The following GRIN3A variants were observed in gnomAD, a reference collection of about 807,000 sequenced individuals.
The protein encoded by GRIN3A is glutamate receptor ionotropic, NMDA 3A.
GRIN3A carries 47 observed loss-of-function variants against 92.4 expected under a neutral mutation model. The observed-to-expected ratio is 0.51, with a 90% confidence interval of 0.40 to 0.65. The LOEUF (loss-of-function observed/expected upper bound fraction) is 0.65, where lower values mean the gene tolerates loss of function less well. Among genes scored for constraint, GRIN3A ranks in the 30% least tolerant of loss-of-function variants. The pLI is 0.00. For synonymous variants in GRIN3A, 527 were observed against 540.6 expected, an observed-to-expected ratio of 0.97 and a Z score of 0.35; for missense variants, 1,324 against 1,393.1, an observed-to-expected ratio of 0.95 and a Z score of 0.79.
intron 6 of GRIN3A, among the ~76,000 whole-genome samples, chr9:101,588,288 T>C (rs1827974054): frequency 6.6e-6 from 1 of 152,164 alleles, no homozygotes; most frequent in Non-Finnish European, 1.5e-5. Flanking sequence ...GAAGAGGAGA[T>C]AATTTATTAA....
In GRIN3A at chr9:101,571,548, A is replaced by G. The variant is rs2118770625; in HGVS notation, c.*1626T>C. ...GAGAAGATAAATCAAGTAATTGATAAATAAGGAAGTCTTGTCCTAAATGGT... is the reference window on the plus strand; with the variant it reads ...GAGAAGATAAATCAAGTAATTGATAGATAAGGAAGTCTTGTCCTAAATGGT... On this transcript the variant is annotated 3_prime_UTR_variant, in exon 9 of 9. Transcript: ENST00000361820. 6.6e-6 allele frequency: 1 copy of G among 152,322 alleles called. No homozygotes were observed. The highest frequency in any genetic ancestry group is 2.1e-4 in the South Asian group (1 of 4,822). The allele number at this position is 152,322 out of a possible 1,614,324, so 9.4% of individuals were successfully genotyped here. A position where few individuals can be genotyped will look rare whatever the true frequency, so the allele number is the denominator to read the frequency against.
chr9:101,639,350 A>G (rs941170586), intron 3 of GRIN3A, among the ~76,000 whole-genome samples: 1 of 152,304 alleles, frequency 6.6e-6, no homozygotes, highest in Admixed American at 6.5e-5. Flanking sequence ...ACAGAAAAAA[A>G]AAAAGGAGGA....
chr9:101,716,612 A>G (rs555853404), intron 1 of GRIN3A, among the ~76,000 whole-genome samples: 1 of 152,246 alleles, frequency 6.6e-6, no homozygotes, highest in South Asian at 2.1e-4. Flanking sequence ...TACTTATTCT[A>G]GCTCTTTCTA....
chr9:101,718,999 A>C (rs1829977838), intron 1 of GRIN3A, among the ~76,000 whole-genome samples: 1 of 152,248 alleles, frequency 6.6e-6, no homozygotes, highest in African/African-American at 2.4e-5. Flanking sequence ...TAGATGATGC[A>C]GAGATATGGC....
At chr9:101,687,290 C>A in intron 1 of GRIN3A, 90 bp from the exon 2 acceptor site, 2 of 1,291,478 alleles carry the variant, frequency 1.5e-6, no homozygotes, top group Non-Finnish European at 1.1e-6. Context: ...GAGGCTTAAT[C>A]CTTTAATTTC....
chr9:101,665,912 G>A (rs1225746690), intron 3 of GRIN3A, among the ~76,000 whole-genome samples: 2 of 151,944 alleles, frequency 1.3e-5, no homozygotes, highest in African/African-American at 2.4e-5. Context: ...ATGCATGCAT[G>A]CTAATTCTCA....
intron 3 of GRIN3A, 138 bp downstream of exon 3, chr9:101,669,922 C>T (rs548119443): frequency 1.5e-6 from 1 of 662,372 alleles, no homozygotes; most frequent in African/African-American, 1.8e-5. Flanking sequence ...AGGCAACAGA[C>T]TTTTGGACTA....
chr9:101,649,798 C>G (rs908977706), intron 3 of GRIN3A, among the ~76,000 whole-genome samples: 2 of 152,004 alleles, frequency 1.3e-5, no homozygotes, highest in Non-Finnish European at 2.9e-5. Context: ...CACTGATGCA[C>G]ACCAGGGCTT....
chr9:101,664,629 A>T (rs1193159578), intron 3 of GRIN3A, among the ~76,000 whole-genome samples: 1 of 151,916 alleles, frequency 6.6e-6, no homozygotes, highest in East Asian at 1.9e-4. Flanking sequence ...CAGGAAAAAA[A>T]ATTTCAACCT....
intron 1 of GRIN3A, among the ~76,000 whole-genome samples, chr9:101,720,695 C>T (rs570520892): frequency 1.3e-5 from 2 of 152,092 alleles, no homozygotes; most frequent in African/African-American, 2.4e-5. Context: ...GGTATATATC[C>T]GTCTTTCCAT....
chr9:101,734,614 G>C (rs1420261017), intron 1 of GRIN3A, among the ~76,000 whole-genome samples: 1 of 151,770 alleles, frequency 6.6e-6, no homozygotes, highest in Non-Finnish European at 1.5e-5. Context: ...TTTTCTCAGG[G>C]GTTTGTCCAT....
At chr9:101,634,665 T>G (rs1055999679) in intron 3 of GRIN3A, among the ~76,000 whole-genome samples, 28 of 152,174 alleles carry the variant, frequency 1.8e-4, no homozygotes, top group African/African-American at 6.3e-4. Context: ...CATTCTGCAT[T>G]TATAGACTTG....
chr9:101,713,695 C>T (rs1213354709), intron 1 of GRIN3A, among the ~76,000 whole-genome samples: 1 of 152,154 alleles, frequency 6.6e-6, no homozygotes, highest in Non-Finnish European at 1.5e-5. Context: ...TTAGACGGTG[C>T]AGTCCAAGTA....
intron 5 of GRIN3A, among the ~76,000 whole-genome samples, chr9:101,622,279 T>C (rs757429548): frequency 1.3e-5 from 2 of 152,220 alleles, no homozygotes; most frequent in Non-Finnish European, 2.9e-5. Context: ...CTAGTTAACA[T>C]ACAGGAAAGT....
intron 5 of GRIN3A, 63 bp downstream of exon 5, chr9:101,623,255 T>A: frequency 8.9e-7 from 1 of 1,127,796 alleles, no homozygotes; most frequent in Non-Finnish European, 1.4e-6. Flanking sequence ...CATTTGTGAC[T>A]TTCTAGGTTG....
chr9:101,602,106 A>G (rs1828219225), intron 6 of GRIN3A, among the ~76,000 whole-genome samples: 1 of 152,058 alleles, frequency 6.6e-6, no homozygotes, highest in Non-Finnish European at 1.5e-5. Context: ...ATACTGTGTG[A>G]GAAGAGGGGC....
chr9:101,610,223 T>G (rs1828342500), intron 6 of GRIN3A, among the ~76,000 whole-genome samples: 1 of 152,200 alleles, frequency 6.6e-6, no homozygotes, highest in African/African-American at 2.4e-5. Context: ...AATGTCTACC[T>G]TACAGGGTCA....
intron 2 of GRIN3A, among the ~76,000 whole-genome samples, chr9:101,678,472 A>C (rs1457309327): frequency 6.6e-6 from 1 of 152,194 alleles, no homozygotes; most frequent in Non-Finnish European, 1.5e-5. Flanking sequence ...GTCATCTTTT[A>C]AAATTGCATA....
At chr9:101,630,084 A>G (rs1828691681) in intron 3 of GRIN3A, among the ~76,000 whole-genome samples, 1 of 152,184 alleles carries the variant, frequency 6.6e-6, no homozygotes, top group African/African-American at 2.4e-5. Flanking sequence ...ATTTATCAGC[A>G]TTGTCTGTCC....
Sources: gnomAD v4.1 joint callset for allele counts (sites outside exome capture counted in the v4.1 genomes callset) on GRCh38, gnomAD v4.1.1 for gene constraint, MANE v1.5 for transcripts, NCBI Gene and HGNC (gene_info 2026-07-23, HGNC 2026-07-21) for gene names.